Variants in METAP1 observed in about 807,000 individuals in gnomAD.
The protein encoded by METAP1 is methionine aminopeptidase 1.
Under a neutral mutation model 53.8 loss-of-function variants are expected in METAP1, and 28 were observed. The ratio of observed to expected loss-of-function variants is 0.52; its 90% CI spans 0.39 to 0.71. METAP1 has a LOEUF of 0.71. Among genes scored for constraint, METAP1 ranks in the 30% least tolerant of loss-of-function variants. The pLI is 0.00. For missense variants in METAP1, 389 were observed against 479.8 expected, an observed-to-expected ratio of 0.81 and a Z score of 1.77; for synonymous variants, 181 against 165.7, an observed-to-expected ratio of 1.09 and a Z score of -0.71.
chr4:99,007,198 C>G (rs1426172452), intron 1 of METAP1, among the ~76,000 whole-genome samples: 1 of 152,064 alleles, frequency 6.6e-6, no homozygotes, highest in African/African-American at 2.4e-5. Context: ...CTCAAGTGAT[C>G]TGCTTGCCTC....
At chr4:99,020,886 G>A (rs1724066296) in intron 1 of METAP1, among the ~76,000 whole-genome samples, 1 of 152,158 alleles carries the variant, frequency 6.6e-6, no homozygotes, top group Non-Finnish European at 1.5e-5. Flanking sequence ...TTTCCAGTGT[G>A]TAAGCATAAG....
intron 3 of METAP1, 56 bp from the exon 4 acceptor site, chr4:99,035,344 C>T: frequency 4.0e-6 from 5 of 1,260,388 alleles, no homozygotes; most frequent in Middle Eastern, 2.0e-4. Flanking sequence ...CTTCTTTCTC[C>T]CCTCGTTTTA....
chr4:99,048,143 A>G (rs1726408136), intron 8 of METAP1, among the ~76,000 whole-genome samples: 2 of 152,012 alleles, frequency 1.3e-5, no homozygotes, highest in South Asian at 2.1e-4. Flanking sequence ...TTTCCTCTCT[A>G]TTTTTCTCTG....
chr4:99,037,168 C>T (rs920635224), intron 4 of METAP1, among the ~76,000 whole-genome samples: 2 of 151,614 alleles, frequency 1.3e-5, no homozygotes, highest in African/African-American at 4.8e-5. Context: ...TGTTAGAGTA[C>T]TAGTTTTTTC....
At chr4:99,023,394 TTAAGTATTTG>T (rs1174110650) in intron 1 of METAP1, 1 of 882,164 alleles carries the variant, frequency 1.1e-6, no homozygotes, top group East Asian at 1.1e-4. Flanking sequence ...TGTTTATATA[TTAAGTATTTG>T]TAAGTATTTA....
intron 6 of METAP1, among the ~76,000 whole-genome samples, chr4:99,041,883 T>C (rs1725897518): frequency 6.6e-6 from 1 of 151,844 alleles, no homozygotes. Flanking sequence ...TTATAAATTT[T>C]TTATTCAGAA....
At chr4:99,055,769 C>G (rs1727067366) in intron 9 of METAP1, among the ~76,000 whole-genome samples, 1 of 152,176 alleles carries the variant, frequency 6.6e-6, no homozygotes, top group Non-Finnish European at 1.5e-5. Context: ...CGGCAGAGTT[C>G]AAGAGTCTTT....
At chr4:99,046,953 A>AAAAAAAG (rs1560730243) in intron 8 of METAP1, among the ~76,000 whole-genome samples, 23 of 149,124 alleles carry the variant, frequency 1.5e-4, no homozygotes, top group African/African-American at 2.2e-4. Context: ...AAAAAAAAAA[A>AAAAAAAG]AAAAAGAAAA....
rs1311256388 is a variant in METAP1, at chr4:99,005,757, T to C, written c.114+9890T>C. ...AGCCATTAAAAAAAGAATGAAATAA[T>C]ATCTTTTGCAGCAACGTGGAAGGAA... On this transcript the variant is annotated intron_variant, in intron 1 of 10. Transcript: ENST00000296411. 5 of 429,564 alleles carry C rather than the reference T, an allele frequency of 1.2e-5. No individual in the cohort carries two copies. The Admixed American group carries it at 1.4e-4, about 12-fold the overall frequency. The allele number at this position is 429,564 out of a possible 1,614,324, so 26.6% of individuals were successfully genotyped here.
At chr4:99,002,026 C>A (rs971257065) in intron 1 of METAP1, among the ~76,000 whole-genome samples, 1 of 152,126 alleles carries the variant, frequency 6.6e-6, no homozygotes, top group African/African-American at 2.4e-5. Context: ...AATTGAAGTG[C>A]TATAGGAAAT....
chr4:99,026,873 G>C, intron 1 of METAP1: 1 of 984,562 alleles, frequency 1.0e-6, no homozygotes, highest in Non-Finnish European at 1.2e-6. Flanking sequence ...AGAGGTGAGA[G>C]GTGTTTATTA....
chr4:99,019,668 T>G (rs1460129084), intron 1 of METAP1, among the ~76,000 whole-genome samples: 5 of 152,208 alleles, frequency 3.3e-5, no homozygotes, highest in Admixed American at 1.3e-4. Context: ...CAAAAAATTT[T>G]TGCCTTTTGT....
intron 6 of METAP1, among the ~76,000 whole-genome samples, chr4:99,043,019 T>C (rs1725990590): frequency 6.6e-6 from 1 of 152,196 alleles, no homozygotes; most frequent in Non-Finnish European, 1.5e-5. Flanking sequence ...GTCATTTTAC[T>C]TTTCCTTTGT....
intron 9 of METAP1, among the ~76,000 whole-genome samples, chr4:99,051,528 A>C (rs1289025719): frequency 3.3e-5 from 5 of 150,042 alleles, no homozygotes. Context: ...AGTAGCTGGT[A>C]CTTCAGGTGT....
At chr4:99,016,803 A>G (rs905880526) in intron 1 of METAP1, among the ~76,000 whole-genome samples, 1 of 152,110 alleles carries the variant, frequency 6.6e-6, no homozygotes, top group Non-Finnish European at 1.5e-5. Context: ...CAGGGTGTAG[A>G]TCCCAGTACA....
intron 1 of METAP1, among the ~76,000 whole-genome samples, chr4:99,012,879 C>T (rs1579251716): frequency 6.6e-6 from 1 of 152,136 alleles, no homozygotes; most frequent in East Asian, 1.9e-4. Flanking sequence ...GGTGGGACAA[C>T]TTGAAGTGGG....
At chr4:99,000,040 T>G (rs1722847498) in intron 1 of METAP1, among the ~76,000 whole-genome samples, 1 of 152,238 alleles carries the variant, frequency 6.6e-6, no homozygotes, top group African/African-American at 2.4e-5. Flanking sequence ...TTGCCCACAG[T>G]AGGCCCTCAT....
intron 9 of METAP1, 58 bp downstream of exon 9, chr4:99,048,934 C>T (rs1364083889): frequency 6.4e-7 from 1 of 1,556,648 alleles, no homozygotes; most frequent in African/African-American, 1.4e-5. Flanking sequence ...AATACTTATT[C>T]ATACATTTAA....
At chr4:99,031,986 G>T (rs1489319686) in intron 2 of METAP1, among the ~76,000 whole-genome samples, 1 of 152,166 alleles carries the variant, frequency 6.6e-6, no homozygotes, top group Non-Finnish European at 1.5e-5. Context: ...TTATTATGCA[G>T]TTGTGCTACC....
Sources: gnomAD v4.1 joint callset for allele counts (sites outside exome capture counted in the v4.1 genomes callset) on GRCh38, gnomAD v4.1.1 for gene constraint, MANE v1.5 for transcripts, NCBI Gene and HGNC (gene_info 2026-07-23, HGNC 2026-07-21) for gene names.